Variants in TRIO observed in about 807,000 individuals in gnomAD.
The protein encoded by TRIO is triple functional domain protein.
Under a neutral mutation model 351.9 loss-of-function variants are expected in TRIO, and 58 were observed. The ratio of observed to expected loss-of-function variants is 0.16; its 90% CI spans 0.13 to 0.21. The LOEUF (loss-of-function observed/expected upper bound fraction) is 0.21, where lower values mean the gene tolerates loss of function less well. Among genes scored for constraint, TRIO ranks in the 10% least tolerant of loss-of-function variants. The probability of loss-of-function intolerance (pLI) is 1.00; values close to 1 mark genes in which losing one functional copy is unlikely to be tolerated. For synonymous variants in TRIO, 1,758 were observed against 1,595.7 expected (o/e 1.10, Z -2.42); for missense variants, 3,201 against 4,027.8 (o/e 0.79, Z 5.56).
chr5:14,422,836 A>G (rs1458168375), intron 34 of TRIO, among the ~76,000 whole-genome samples: 3 of 152,228 alleles, frequency 2.0e-5, no homozygotes, highest in Non-Finnish European at 4.4e-5. Context: ...GAGAAATGCT[A>G]TCTTGTGGCC....
At chr5:14,164,322 A>C (rs765684902) in intron 1 of TRIO, among the ~76,000 whole-genome samples, 1 of 152,232 alleles carries the variant, frequency 6.6e-6, no homozygotes, top group Non-Finnish European at 1.5e-5. Context: ...AATTTCCTTG[A>C]TGAGCATGTC....
intron 18 of TRIO, among the ~76,000 whole-genome samples, chr5:14,370,460 T>C (rs1294624627): frequency 6.6e-6 from 1 of 152,168 alleles, no homozygotes; most frequent in African/African-American, 2.4e-5. Flanking sequence ...CCATTAAAAG[T>C]AGGGGTGGTG....
In TRIO at chr5:14,492,734, C is replaced by T. The variant is rs147014315; in HGVS notation, c.7800C>T (p.Pro2600=). The T allele has an allele frequency of 1.6e-4, 266 of 1,614,124 alleles. 1 individual carries two copies. In the Admixed American group the frequency reaches 3.6e-3, roughly 22 times the overall value. The change falls in exon 49 of 57, where the codon CCC becomes CCT. Residue 2600 remains proline (P), a synonymous_variant. Transcript: ENST00000344204. ...LVFRAATDQC[P]AAEGWIPGFV... The stretch of plus-strand genomic sequence containing the variant: ...TCCGAGCCGCCACTGACCAGTGCCC[C>T]GCAGCTGAGGGCTGGATTCCAGGCT...
chr5:14,403,262 A>G (rs1270180608), intron 31 of TRIO, among the ~76,000 whole-genome samples: 1 of 96,042 alleles, frequency 1.0e-5, no homozygotes. Context: ...GGTGGTGGTG[A>G]GGGTGCAGGT....
chr5:14,465,582 A>T lies in TRIO; in HGVS notation c.5705A>T (p.Glu1902Val). 1.2e-6 allele frequency: 2 copies of T among 1,614,030 alleles called. No individual in the cohort carries two copies. The highest frequency in any genetic ancestry group is 1.7e-6 in the Non-Finnish European group (2 of 1,180,012). Residue 1902 changes from glutamate to valine, a missense_variant, in exon 37 of 57, where the codon GAA becomes GTA. Physicochemically the swap from Glu to Val is moderately radical, Grantham distance 121. Coordinates refer to ENST00000344204, the MANE Select transcript of TRIO (RefSeq NM_007118.4). ...TTATTAGTCCGCCCCACCAGCTCCG[A>T]AACACCGAGTGCAGCCGAGCTCGTC... The part of the protein sequence containing the change: ...SRLLVRPTSS[E>V]TPSAAELVSA...
chr5:14,409,617 G>A (rs358086), intron 33 of TRIO, among the ~76,000 whole-genome samples: 3 of 152,032 alleles, frequency 2.0e-5, no homozygotes, highest in Non-Finnish European at 4.4e-5. Flanking sequence ...GGCAGATCAC[G>A]AGGTCAGGAG....
Position 14,272,829 on chromosome 5 carries a change from A to C in TRIO, c.232+1930A>C, listed in dbSNP as rs28633371. ...GTTATCTCCTTTAGGAGGGAAAAAAACCATAAAATTAAGTAGAAATTGACT... is the reference window on the plus strand; with the variant it reads ...GTTATCTCCTTTAGGAGGGAAAAAACCCATAAAATTAAGTAGAAATTGACT... On this transcript the variant is annotated intron_variant, in intron 2 of 56. Transcript: ENST00000344204. Among the ~76,000 whole-genome samples the C allele has an allele frequency of 5.7e-4, 87 of 152,346 alleles. 1 individual carries two copies. The highest frequency in any genetic ancestry group is 3.4e-3 in the Middle Eastern group (1 of 294).
At chr5:14,223,672 C>T (rs541787250) in intron 1 of TRIO, among the ~76,000 whole-genome samples, 66 of 152,276 alleles carry the variant, frequency 4.3e-4, no homozygotes, top group African/African-American at 1.4e-3. Flanking sequence ...GCCAAGTTTC[C>T]GGGAAGCAGG....
intron 34 of TRIO, among the ~76,000 whole-genome samples, chr5:14,457,172 A>G (rs1489113979): frequency 6.6e-6 from 1 of 152,090 alleles, no homozygotes; most frequent in Non-Finnish European, 1.5e-5. Context: ...ATTCCACAAA[A>G]TTTTTCTTAT....
Position 14,405,968 on chromosome 5 carries a change from G to A in TRIO, c.4837G>A (p.Ala1613Thr), listed in dbSNP as rs16903474. The A allele has an allele frequency of 1.1e-3, 1,766 of 1,613,468 alleles. 24 individuals carry two copies. The African/African-American group carries it at 0.021, about 19-fold the overall frequency. ...CATTCACATCCCTAAGACCGCTCCC[G>A]CCACAAGACAGAAGGGAAGGAGGTG... is the stretch of plus-strand genomic sequence containing the variant. ...EPIHIPKTAPATRQKGRRDGE... is the reference protein window; with the variant it reads ...EPIHIPKTAPTTRQKGRRDGE... Residue 1613 changes from alanine to threonine, a missense_variant, in exon 32 of 57, where the codon GCC (alanine) becomes ACC (threonine). Transcript: ENST00000344204.
At chr5:14,290,210 G>A (rs1203219735) in intron 4 of TRIO, among the ~76,000 whole-genome samples, 1 of 152,218 alleles carries the variant, frequency 6.6e-6, no homozygotes, top group African/African-American at 2.4e-5. Context: ...TGAATTTAGA[G>A]TGATGTTACA....
At position 14,387,789 on chromosome 5, in the gene TRIO, C is replaced by G; in HGVS notation, c.3823C>G (p.Leu1275Val). The G allele has an allele frequency of 6.2e-7, 1 of 1,614,210 alleles. No homozygotes were observed. Among genetic ancestry groups the G allele is most frequent in the African/African-American group, 1.3e-5 (1 of 75,052 alleles). The change falls in exon 23 of 57, where the codon CTT (leucine) becomes GTT (valine). Residue 1275 changes from leucine to valine, a missense_variant. Physicochemically the swap from Leu to Val is conservative, Grantham distance 32. Transcript: ENST00000344204. ...CAGTATCCCTGGCTCAGAGGTGAAACTTCGAGATGCTGCTCATGAACTTAA... is the reference window on the plus strand; with the variant it reads ...CAGTATCCCTGGCTCAGAGGTGAAAGTTCGAGATGCTGCTCATGAACTTAA... ...PASIPGSEVKLRDAAHELNEE... is the reference protein window; with the variant it reads ...PASIPGSEVKVRDAAHELNEE...
chr5:14,348,985 G>A (rs996975442), intron 11 of TRIO, among the ~76,000 whole-genome samples: 1 of 151,410 alleles, frequency 6.6e-6, no homozygotes, highest in Non-Finnish European at 1.5e-5. Flanking sequence ...GTGTGTATAT[G>A]TGTGCGCACG....
rs1411500569 is a variant in TRIO at position 14,384,698 on chromosome 5, T to C, written c.3571-2740T>C. On this transcript the variant is annotated intron_variant, in intron 21 of 56. Coordinates refer to ENST00000344204, the MANE Select transcript of TRIO (RefSeq NM_007118.4). ...GTACCAGAAGAAATAACAGGATATTTTTTATATCCTCGTATGGAGAAATTT... is the reference window on the plus strand; with the variant it reads ...GTACCAGAAGAAATAACAGGATATTCTTTATATCCTCGTATGGAGAAATTT... Among the ~76,000 whole-genome samples, 4 of 152,142 alleles carry C rather than the reference T, an allele frequency of 2.6e-5. No individual in the cohort carries two copies. In the East Asian group the frequency reaches 7.7e-4, roughly 29 times the overall value.
intron 9 of TRIO, among the ~76,000 whole-genome samples, chr5:14,325,769 G>A (rs1055724723): frequency 1.3e-5 from 2 of 152,078 alleles, no homozygotes; most frequent in African/African-American, 4.8e-5. Flanking sequence ...TAGGTAGTAG[G>A]GACCTACTAC....
chr5:14,297,286 C>T (rs1257898050), intron 7 of TRIO, 23 bp downstream of exon 7: 1 of 1,606,136 alleles, frequency 6.2e-7, no homozygotes, highest in Non-Finnish European at 8.5e-7. Flanking sequence ...AACCCCCAGC[C>T]CACGAGGTGG....
chr5:14,419,734 G>T, intron 33 of TRIO, 44 bp from the exon 34 acceptor site: 6 of 1,602,712 alleles, frequency 3.7e-6, no homozygotes, highest in Non-Finnish European at 4.3e-6. Context: ...AGGCACCATG[G>T]CTCACACTGG....
chr5:14,267,418 C>T (rs925478020), intron 1 of TRIO, among the ~76,000 whole-genome samples: 5 of 152,028 alleles, frequency 3.3e-5, no homozygotes, highest in East Asian at 1.9e-4. Context: ...TTCCAGGGGG[C>T]GGCCACCGAG....
intron 1 of TRIO, among the ~76,000 whole-genome samples, chr5:14,244,661 A>G (rs923885267): frequency 5.9e-5 from 9 of 152,336 alleles, no homozygotes; most frequent in Admixed American, 5.2e-4. Flanking sequence ...ATAAATTTGA[A>G]ATTCTGCTGA....
Sources: gnomAD v4.1 joint callset for allele counts (sites outside exome capture counted in the v4.1 genomes callset) on GRCh38, gnomAD v4.1.1 for gene constraint, MANE v1.5 for transcripts, NCBI Gene and HGNC (gene_info 2026-07-23, HGNC 2026-07-21) for gene names.